Variants in CDK14 observed in about 807,000 individuals in gnomAD.
CDK14 encodes cyclin-dependent kinase 14.
In CDK14, 34 loss-of-function variants were observed where a neutral mutation model predicts 60.7. The ratio of observed to expected loss-of-function variants is 0.56; its 90% CI spans 0.43 to 0.75. The LOEUF is 0.75. CDK14 is among the 30% of genes least tolerant of loss of function. The pLI, the probability that CDK14 is intolerant of heterozygous loss-of-function variation, is 0.00. For missense variants in CDK14, 482 were observed against 564.1 expected, an observed-to-expected ratio of 0.85 and a Z score of 1.47; for synonymous variants, 197 against 203.7, an observed-to-expected ratio of 0.97 and a Z score of 0.28.
chr7:91,054,386 C>G (rs1414430217), intron 11 of CDK14, among the ~76,000 whole-genome samples: 3 of 152,176 alleles, frequency 2.0e-5, no homozygotes, highest in Non-Finnish European at 4.4e-5. Context: ...TCCCCACCCA[C>G]CATCAGCTAT....
intron 14 of CDK14, among the ~76,000 whole-genome samples, chr7:91,127,450 G>A (rs534145299): frequency 2.5e-4 from 38 of 152,282 alleles, no homozygotes; most frequent in African/African-American, 8.9e-4. Flanking sequence ...TGGAAGACTA[G>A]CTTAGTTGCA....
chr7:90,820,167 C>T (rs1176796171), intron 5 of CDK14, among the ~76,000 whole-genome samples: 1 of 152,140 alleles, frequency 6.6e-6, no homozygotes, highest in African/African-American at 2.4e-5. Flanking sequence ...ACCCTTGCAG[C>T]ACTTAACTGG....
At chr7:91,178,900 C>T (rs902864095) in intron 14 of CDK14, among the ~76,000 whole-genome samples, 3 of 152,000 alleles carry the variant, frequency 2.0e-5, no homozygotes, top group East Asian at 1.9e-4. Flanking sequence ...GTCAGTGTGG[C>T]GATTCCTCAG....
rs1799494715 is a variant in CDK14 at position 91,112,554 on chromosome 7, G to A, written c.1167G>A (p.Val389=). The change falls in exon 13 of 15, where the codon GTG becomes GTA. Residue 389 remains valine (V), a synonymous_variant. Coordinates refer to ENST00000380050, the MANE Select transcript of CDK14 (RefSeq NM_001287135.2). The part of the protein sequence containing the change: ...LRQAWNKLSY[V]NHAEDLASKL... The stretch of plus-strand genomic sequence containing the variant: ...CTCATGTTTTTAGGCTCAGCTATGT[G>A]AACCATGCAGAGGACCTGGCCTCCA... 1.9e-6 allele frequency: 3 copies of A among 1,613,430 alleles called. No individual in the cohort carries two copies. Among genetic ancestry groups the A allele is most frequent in the Non-Finnish European group, 2.5e-6 (3 of 1,179,608 alleles).
In CDK14 at chr7:91,041,114, C is replaced by G. The variant is rs1388839731; in HGVS notation, c.1042-4783C>G. ...CCTGGAGGAGTGAGTATGGGGCCAT[C>G]ATTACCTCTTAGTTCCTCAGGGTCA... On this transcript the variant is annotated intron_variant, in intron 10 of 14. Coordinates refer to ENST00000380050, the MANE Select transcript of CDK14 (RefSeq NM_001287135.2). Among the ~76,000 whole-genome samples, 5 of 151,436 alleles carry G rather than the reference C, an allele frequency of 3.3e-5. No homozygotes were observed. In the East Asian group the frequency reaches 7.8e-4, roughly 24 times the overall value.
intron 5 of CDK14, among the ~76,000 whole-genome samples, chr7:90,821,432 G>T (rs1352975317): frequency 6.6e-6 from 1 of 152,194 alleles, no homozygotes; most frequent in Non-Finnish European, 1.5e-5. Flanking sequence ...CCATTTCAGA[G>T]TCCCTCTAAT....
chr7:90,968,771 T>C (rs1794832791), intron 9 of CDK14, among the ~76,000 whole-genome samples: 1 of 152,174 alleles, frequency 6.6e-6, no homozygotes, highest in Admixed American at 6.5e-5. Flanking sequence ...TAGAGGTGTT[T>C]GTTTTTGTTG....
chr7:91,098,070 G>A (rs1799047914), intron 12 of CDK14, among the ~76,000 whole-genome samples: 1 of 152,186 alleles, frequency 6.6e-6, no homozygotes, highest in African/African-American at 2.4e-5. Flanking sequence ...CAGGGCCTGT[G>A]TAAAGGATGC....
intron 9 of CDK14, among the ~76,000 whole-genome samples, chr7:90,971,346 A>C (rs1794925369): frequency 6.6e-6 from 1 of 152,014 alleles, no homozygotes; most frequent in South Asian, 2.1e-4. Context: ...GAAGGTGATA[A>C]ATTTATCCTC....
chr7:91,079,271 TTTACTC>T (rs1798414085), intron 11 of CDK14, among the ~76,000 whole-genome samples, 155 bp from the exon 12 acceptor site: 1 of 152,224 alleles, frequency 6.6e-6, no homozygotes, highest in Admixed American at 6.5e-5. Context: ...ATCTTCCTGT[TTTACTC>T]TTTATAACTG....
chr7:90,788,863 A>T (rs922062490), intron 4 of CDK14, among the ~76,000 whole-genome samples: 2 of 152,178 alleles, frequency 1.3e-5, no homozygotes, highest in African/African-American at 4.8e-5. Context: ...AAATTGCAAC[A>T]AGAGACCATT....
At chr7:90,984,380 T>C (rs1398804913) in intron 10 of CDK14, 139 bp downstream of exon 10, 5 of 630,334 alleles carry the variant, frequency 7.9e-6, no homozygotes, top group Non-Finnish European at 1.4e-5. Context: ...TTTGGACCTT[T>C]GAAAAAGCAG....
intron 2 of CDK14, among the ~76,000 whole-genome samples, chr7:90,626,402 A>G: frequency 6.6e-6 from 1 of 152,192 alleles, no homozygotes; most frequent in Non-Finnish European, 1.5e-5. Flanking sequence ...GCTGTTGTTA[A>G]AATGAAGAGA....
chr7:91,135,905 C>T (rs1800266168), intron 14 of CDK14, among the ~76,000 whole-genome samples: 1 of 152,132 alleles, frequency 6.6e-6, no homozygotes, highest in African/African-American at 2.4e-5. Context: ...CTCAGTGAGT[C>T]ATACCATCAA....
chr7:90,667,559 G>T (rs1001744165), intron 2 of CDK14, among the ~76,000 whole-genome samples: 1 of 150,754 alleles, frequency 6.6e-6, no homozygotes, highest in Non-Finnish European at 1.5e-5. Flanking sequence ...CATCCATGTT[G>T]TAGCATGTAT....
intron 11 of CDK14, among the ~76,000 whole-genome samples, chr7:91,047,661 G>C (rs1424136795): frequency 6.6e-6 from 1 of 152,170 alleles, no homozygotes; most frequent in Non-Finnish European, 1.5e-5. Flanking sequence ...ATGCATAGAA[G>C]GTAATGGGGA....
chr7:90,926,230 A>G (rs1220359683), intron 8 of CDK14, among the ~76,000 whole-genome samples: 1 of 152,086 alleles, frequency 6.6e-6, no homozygotes, highest in African/African-American at 2.4e-5. Context: ...TGGTCTGATG[A>G]CCTGTGTCAC....
chr7:90,749,236 G>A (rs6963201), intron 4 of CDK14, among the ~76,000 whole-genome samples: 68,451 of 151,586 alleles, frequency 0.45, 16,217 homozygotes, highest in East Asian at 0.82. Context: ...CGCTTGCCTC[G>A]TTCTATATCT....
At chr7:91,012,979 A>G (rs530888760) in intron 10 of CDK14, among the ~76,000 whole-genome samples, 2 of 152,314 alleles carry the variant, frequency 1.3e-5, no homozygotes, top group Middle Eastern at 6.8e-3. Context: ...TGCTCTGGCC[A>G]GTCACTTAGT....
Sources: gnomAD v4.1 joint callset for allele counts (sites outside exome capture counted in the v4.1 genomes callset) on GRCh38, gnomAD v4.1.1 for gene constraint, MANE v1.5 for transcripts, NCBI Gene and HGNC (gene_info 2026-07-23, HGNC 2026-07-21) for gene names.